The following KMT2C variants were observed in gnomAD, a reference collection of about 807,000 sequenced individuals.
KMT2C encodes lysine methyltransferase 2C, also known as histone-lysine N-methyltransferase 2C.
A neutral mutation model predicts 507.9 loss-of-function variants in KMT2C; 88 were observed. The observed-to-expected ratio is 0.17, with a 90% CI of 0.15 to 0.21. The LOEUF is 0.21. Among genes scored for constraint, KMT2C ranks in the 10% least tolerant of loss-of-function variants. The probability of loss-of-function intolerance (pLI) is 1.00; values close to 1 mark genes in which losing one functional copy is unlikely to be tolerated. For missense variants in KMT2C, 4,954 were observed against 5,957.8 expected (o/e 0.83, Z 5.55); for synonymous variants, 2,049 against 2,080.8 (o/e 0.98, Z 0.42).
rs869076803 is a variant in KMT2C, at chr7:152,226,219, C to CTTTT, written c.2977-1607_2977-1604dup. On this transcript the variant is annotated intron_variant, in intron 18 of 58. Coordinates refer to ENST00000262189, the MANE Select transcript of KMT2C (RefSeq NM_170606.3). ...AAGAGTTGGTTGTTCATTACAAGGC[C>CTTTT]TTTTTTTTTTTTTTTTTTTTTTTTT... is the stretch of plus-strand genomic sequence containing the variant. 4.5e-4 allele frequency among the ~76,000 whole-genome samples: 43 copies of CTTTT among 94,948 alleles called. 1 individual carries two copies. The highest frequency in any genetic ancestry group is 1.1e-3 in the Admixed American group (10 of 8,846). 62.3% of individuals were successfully genotyped at this position (94,948 alleles called of 152,430 possible).
intron 14 of KMT2C, among the ~76,000 whole-genome samples, chr7:152,239,863 TAA>T (rs1353906082): frequency 6.6e-6 from 1 of 152,164 alleles, no homozygotes; most frequent in Non-Finnish European, 1.5e-5. Flanking sequence ...ATCATCAAAT[TAA>T]AAAGTACTAT....
Position 152,306,294 on chromosome 7 carries a change from T to C in KMT2C, c.849+3672A>G, listed in dbSNP as rs562403672. Among the ~76,000 whole-genome samples, 5 of 152,318 alleles carry C rather than the reference T, an allele frequency of 3.3e-5. No homozygotes were observed. In the South Asian group the frequency reaches 8.3e-4, roughly 25 times the overall value. The stretch of plus-strand genomic sequence containing the variant: ...CACATCCTGGTTGGTGGCAATTGCA[T>C]AGAAGCATTTAAAACATTCCTATGG... On this transcript the variant is annotated intron_variant, in intron 6 of 58. Transcript: ENST00000262189.
At chr7:152,190,270 T>C (rs972879744) in intron 31 of KMT2C, among the ~76,000 whole-genome samples, 9 of 152,026 alleles carry the variant, frequency 5.9e-5, no homozygotes, top group Admixed American at 5.9e-4. Flanking sequence ...GAAACAAGAG[T>C]TTATTGACAA....
intron 1 of KMT2C, among the ~76,000 whole-genome samples, chr7:152,417,061 AAAAAAAAGAGTTTATATTTATCTC>A (rs1355782515): frequency 4.6e-5 from 7 of 151,800 alleles, no homozygotes; most frequent in African/African-American, 1.5e-4. Context: ...AAAAAAAAAA[AAAAAAAAGAGTTTATATTTATCTC>A]AAAAAAAGAG....
chr7:152,213,036 T>C (rs1252098680), intron 23 of KMT2C, among the ~76,000 whole-genome samples: 1 of 152,184 alleles, frequency 6.6e-6, no homozygotes, highest in Non-Finnish European at 1.5e-5. Flanking sequence ...CAACAGAGCG[T>C]GACTCTGTCT....
chr7:152,425,157 G>A (rs1035965423), intron 1 of KMT2C, among the ~76,000 whole-genome samples: 1 of 152,150 alleles, frequency 6.6e-6, no homozygotes, highest in African/African-American at 2.4e-5. Context: ...ATGACTTCTA[G>A]TATTCCATAA....
Position 152,141,060 on chromosome 7 carries a change from T to G in KMT2C, c.14344-1269A>C, listed in dbSNP as rs148240024. 3.9e-4 allele frequency among the ~76,000 whole-genome samples: 60 copies of G among 152,064 alleles called. 1 individual carries two copies. The highest frequency in any genetic ancestry group is 1.8e-3 in the Admixed American group (28 of 15,280). ...TTCAAGACCAGCCTGGCCAACATGGTGAAACCCCGTCTCTACTAAAAATAC... is the reference window on the plus strand; with the variant it reads ...TTCAAGACCAGCCTGGCCAACATGGGGAAACCCCGTCTCTACTAAAAATAC... On this transcript the variant is annotated intron_variant, in intron 55 of 58. Transcript: ENST00000262189.
rs1401573768 is a variant in KMT2C, at chr7:152,182,062, G to A, written c.5798C>T (p.Ser1933Phe). 3.1e-6 allele frequency: 5 copies of A among 1,614,186 alleles called. No homozygotes were observed. The highest frequency in any genetic ancestry group is 4.2e-6 in the Non-Finnish European group (5 of 1,180,028). Reference sequence around the variant, plus strand: ...TGTCTCATTCATTTGAAGGGGCCTAGATACCGATGATAAAGGTGTACAGTT... The same window carrying A: ...TGTCTCATTCATTTGAAGGGGCCTAAATACCGATGATAAAGGTGTACAGTT... Reference protein sequence around the residue: ...VENCTPLSSVSRPLQMNETTA... With the variant: ...VENCTPLSSVFRPLQMNETTA... The change falls in exon 36 of 59, where the codon TCT becomes TTT. Residue 1933 changes from serine to phenylalanine, a missense_variant. Physicochemically the swap from Ser to Phe is radical, Grantham distance 155. Around this residue, in one of 29 missense-constraint regions of KMT2C, gnomAD observed 1,689 missense variants for 1,654.3 expected, o/e 1.02. Transcript: ENST00000262189.
At chr7:152,291,537 G>A (rs201907521) in intron 6 of KMT2C, among the ~76,000 whole-genome samples, 15 of 152,420 alleles carry the variant, frequency 9.8e-5, no homozygotes, top group African/African-American at 3.6e-4. Flanking sequence ...CAACTGTAAC[G>A]CATCTTAGCG....
chr7:152,345,593 C>T (rs1018103397), intron 2 of KMT2C, among the ~76,000 whole-genome samples: 5 of 152,168 alleles, frequency 3.3e-5, no homozygotes, highest in Admixed American at 6.5e-5. Context: ...GGCACGATCT[C>T]AGCTCACTGC....
Position 152,167,391 on chromosome 7 carries a change from TA to T in KMT2C, c.9518-14del, listed in dbSNP as rs767362196. On this transcript the variant is annotated splice_polypyrimidine_tract_variant and intron_variant, in intron 41 of 58. Coordinates refer to ENST00000262189, the MANE Select transcript of KMT2C (RefSeq NM_170606.3). Reference sequence around the variant, plus strand: ...CGCTGTGAATCATCTGAGGAAAAATTAAAATTCAGTTGTGTTAATTTTCTAA... The same window carrying T: ...CGCTGTGAATCATCTGAGGAAAAATTAAATTCAGTTGTGTTAATTTTCTAA... 6.4e-7 allele frequency: 1 copy of T among 1,552,938 alleles called. No individual in the cohort carries two copies.
chr7:152,243,215 A>G (rs1444374626), intron 14 of KMT2C, among the ~76,000 whole-genome samples: 1 of 152,194 alleles, frequency 6.6e-6, no homozygotes, highest in South Asian at 2.1e-4. Flanking sequence ...TAATTTCACA[A>G]TACAAATTAG....
intron 6 of KMT2C, among the ~76,000 whole-genome samples, chr7:152,288,422 G>A (rs200368154): frequency 7.9e-5 from 12 of 151,304 alleles, no homozygotes; most frequent in Non-Finnish European, 1.5e-4. Context: ...TAATTCCAGC[G>A]ACTCAGGAGG....
intron 2 of KMT2C, among the ~76,000 whole-genome samples, chr7:152,337,205 G>A (rs529675398): frequency 6.6e-6 from 1 of 152,092 alleles, no homozygotes; most frequent in Admixed American, 6.5e-5. Flanking sequence ...GGGAGGCAGA[G>A]GTTGCAGCTG....
In KMT2C at chr7:152,211,925, G is replaced by A. The variant is rs138826024; in HGVS notation, c.3713-4497C>T. On this transcript the variant is annotated intron_variant, in intron 23 of 58. Coordinates refer to ENST00000262189, the MANE Select transcript of KMT2C (RefSeq NM_170606.3). Reference sequence around the variant, plus strand: ...TAGCCGGGCGTGGTGGCAGGTGCCTGTAGTCCCAGCTACTCCAGAGGCTGA... The same window carrying A: ...TAGCCGGGCGTGGTGGCAGGTGCCTATAGTCCCAGCTACTCCAGAGGCTGA... Among the ~76,000 whole-genome samples, 1,233 of 152,240 alleles carry A rather than the reference G, an allele frequency of 8.1e-3. 16 individuals carry two copies. Among genetic ancestry groups the A allele is most frequent in the African/African-American group, 0.029 (1,189 of 41,536 alleles).
chr7:152,258,349 AT>A (rs1405681416), intron 9 of KMT2C, among the ~76,000 whole-genome samples: 3 of 152,232 alleles, frequency 2.0e-5, no homozygotes, highest in African/African-American at 7.2e-5. Context: ...GTCAGTATTA[AT>A]AAGTAAGTTT....
chr7:152,296,627 G>A (rs1161190052), intron 6 of KMT2C, among the ~76,000 whole-genome samples: 1 of 152,028 alleles, frequency 6.6e-6, no homozygotes, highest in Non-Finnish European at 1.5e-5. Context: ...ACTGGATCAA[G>A]AAAGAGACCA....
intron 1 of KMT2C, among the ~76,000 whole-genome samples, chr7:152,369,027 A>C (rs1252905881): frequency 6.6e-6 from 1 of 152,162 alleles, no homozygotes. Context: ...GGTTAAAAAA[A>C]AAAAATAGTT....
At chr7:152,391,067 C>A (rs2097490151) in intron 1 of KMT2C, among the ~76,000 whole-genome samples, 1 of 123,084 alleles carries the variant, frequency 8.1e-6, no homozygotes, top group Non-Finnish European at 1.6e-5. Flanking sequence ...CTGCTTGAAC[C>A]AGGGAGGCGG....
Sources: gnomAD v4.1 joint callset for allele counts (sites outside exome capture counted in the v4.1 genomes callset) on GRCh38, gnomAD v4.1.1 for gene constraint, gnomAD v4.1.1 regional missense constraint, MANE v1.5 for transcripts, NCBI Gene and HGNC (gene_info 2026-07-23, HGNC 2026-07-21) for gene names.